The following ICA1 variants were observed in gnomAD, a reference collection of about 807,000 sequenced individuals.
The protein encoded by ICA1 is 69 kDa islet cell autoantigen.
A neutral mutation model predicts 71.0 loss-of-function variants in ICA1; 40 were observed. That is an observed-to-expected ratio of 0.56 (90% CI 0.44 to 0.73). ICA1 has a LOEUF of 0.73. Among genes scored for constraint, ICA1 ranks in the 30% least tolerant of loss-of-function variants. ICA1 has a pLI of 0.00. For missense variants in ICA1, 578 were observed against 576.5 expected (o/e 1.00, Z -0.03); for synonymous variants, 207 against 209.5 (o/e 0.99, Z 0.10).
At chr7:8,205,273 A>T (rs191274079) in intron 6 of ICA1, among the ~76,000 whole-genome samples, 1 of 152,274 alleles carries the variant, frequency 6.6e-6, no homozygotes, top group Non-Finnish European at 1.5e-5. Context: ...CACAGCCTGG[A>T]TGAGGAAGAT....
At position 8,182,701 on chromosome 7, in the gene ICA1, ACT is replaced by A. The variant is rs139190922; in HGVS notation, c.580-24051_580-24050del. Among the ~76,000 whole-genome samples the A allele has an allele frequency of 3.2e-3, 488 of 152,300 alleles. 4 individuals carry two copies. Among genetic ancestry groups the A allele is most frequent in the Middle Eastern group, 0.02 (6 of 294 alleles). On this transcript the variant is annotated intron_variant, in intron 6 of 13. Coordinates refer to ENST00000402384, the MANE Select transcript of ICA1 (RefSeq NM_001136020.3). The stretch of plus-strand genomic sequence containing the variant: ...TTTCAGAATGACCAGCAGATCTAAC[ACT>A]CAGGATTTATTCTATTTTTAAAAAC...
At position 8,157,273 on chromosome 7, in the gene ICA1, C is replaced by T. The variant is rs908173867; in HGVS notation, c.706-59G>A. On this transcript the variant is annotated intron_variant, in intron 7 of 13. Coordinates refer to ENST00000402384, the MANE Select transcript of ICA1 (RefSeq NM_001136020.3). ...TGAATGCCCAGTTCTAGTCCTGGTC[C>T]CCAGGGAAGTATGACTCTCTGTAGC... 105 of 1,448,618 alleles carry T rather than the reference C, an allele frequency of 7.2e-5. No homozygotes were observed. In the Middle Eastern group the frequency reaches 1.5e-3, roughly 21 times the overall value. The allele number at this position is 1,448,618 out of a possible 1,614,324, so 89.7% of individuals were successfully genotyped here. A position where few individuals can be genotyped will look rare whatever the true frequency, so the allele number is the denominator to read the frequency against.
chr7:8,115,162 A>G (rs1383227940), intron 13 of ICA1, among the ~76,000 whole-genome samples: 1 of 152,230 alleles, frequency 6.6e-6, no homozygotes, highest in Non-Finnish European at 1.5e-5. Context: ...TCTTTTGTAG[A>G]TATTAATGTA....
Position 8,122,652 on chromosome 7 carries a change from AGC to A in ICA1, c.1330+5219_1330+5220del, listed in dbSNP as rs369549999. 6.9e-3 allele frequency among the ~76,000 whole-genome samples: 1,048 copies of A among 152,374 alleles called. 12 individuals carry two copies. The highest frequency in any genetic ancestry group is 0.024 in the African/African-American group (996 of 41,592). On this transcript the variant is annotated intron_variant, in intron 13 of 13. Transcript: ENST00000402384. ...ATGTCCATTACCTGGAGCCAGGCTA[AGC>A]CAGGAATGGCAGGAGGTGAGCACTG...
chr7:8,197,749 G>A (rs539116725), intron 6 of ICA1, among the ~76,000 whole-genome samples: 80 of 151,952 alleles, frequency 5.3e-4, no homozygotes, highest in South Asian at 1.0e-3. Flanking sequence ...ACTACTAAAC[G>A]TTGGAAGCTG....
intron 6 of ICA1, among the ~76,000 whole-genome samples, chr7:8,174,022 G>A (rs1055869198): frequency 2.0e-5 from 3 of 152,088 alleles, no homozygotes; most frequent in Non-Finnish European, 4.4e-5. Context: ...TGTTTCATAT[G>A]GAATAGTCTT....
intron 8 of ICA1, among the ~76,000 whole-genome samples, chr7:8,154,663 G>C (rs1465217428): frequency 3.3e-5 from 5 of 152,150 alleles, no homozygotes; most frequent in Admixed American, 2.6e-4. Context: ...TATCAACACA[G>C]AGTGCCATTC....
chr7:8,141,567 G>T (rs1341076630), intron 10 of ICA1, among the ~76,000 whole-genome samples, 198 bp downstream of exon 10: 2 of 152,176 alleles, frequency 1.3e-5, no homozygotes, highest in Non-Finnish European at 2.9e-5. Context: ...ACAATACACA[G>T]CCTCTCTCAG....
chr7:8,225,591 A>G lies in ICA1; in HGVS notation c.256+3010T>C, dbSNP rs138735025. ...GTGCCAGATGTACTCACTGCTATGG[A>G]GCGTTAGTGCTTCTAGGTCATGTCA... On this transcript the variant is annotated intron_variant, in intron 4 of 13. Coordinates refer to ENST00000402384, the MANE Select transcript of ICA1 (RefSeq NM_001136020.3). Among the ~76,000 whole-genome samples, 1,400 of 152,304 alleles carry G rather than the reference A, an allele frequency of 9.2e-3. 16 individuals carry two copies. The highest frequency in any genetic ancestry group is 0.03 in the African/African-American group (1,256 of 41,568).
chr7:8,236,991 G>A (rs3779360), intron 1 of ICA1: 80,707 of 152,132 alleles, frequency 0.53, 22,415 homozygotes, highest in African/African-American at 0.68. Flanking sequence ...TACTCCTAAA[G>A]TGATTAAAGC....
At chr7:8,227,784 C>T (rs866115743) in intron 4 of ICA1, 2 of 423,288 alleles carry the variant, frequency 4.7e-6, no homozygotes, top group African/African-American at 2.1e-5. Flanking sequence ...GGGGGTCTCA[C>T]TTTGTTGCCC....
At chr7:8,122,729 C>A (rs1787495848) in intron 13 of ICA1, among the ~76,000 whole-genome samples, 1 of 152,206 alleles carries the variant, frequency 6.6e-6, no homozygotes, top group East Asian at 1.9e-4. Flanking sequence ...ATTATATTAG[C>A]CTTAAGTGGA....
intron 9 of ICA1, 77 bp from the exon 10 acceptor site, chr7:8,141,894 T>C (rs1795351214): frequency 7.4e-7 from 1 of 1,345,186 alleles, no homozygotes. Context: ...TTCAGTACAA[T>C]ATTACTTCAC....
chr7:8,131,063 G>A (rs944227823), intron 12 of ICA1, among the ~76,000 whole-genome samples: 4 of 152,302 alleles, frequency 2.6e-5, no homozygotes, highest in Non-Finnish European at 4.4e-5. Context: ...GTGGACACAT[G>A]CCGGACACCT....
At chr7:8,140,775 T>G (rs1294685621) in intron 10 of ICA1, among the ~76,000 whole-genome samples, 1 of 152,104 alleles carries the variant, frequency 6.6e-6, no homozygotes, top group East Asian at 1.9e-4. Flanking sequence ...AAAAAGTGAG[T>G]CTTTTGTTGT....
intron 8 of ICA1, among the ~76,000 whole-genome samples, chr7:8,151,621 C>A (rs1798840807): frequency 6.6e-6 from 1 of 152,268 alleles, no homozygotes; most frequent in African/African-American, 2.4e-5. Flanking sequence ...GGGATATTTA[C>A]CCAATTTTCA....
At chr7:8,157,539 A>T (rs966327301) in intron 7 of ICA1, 1 of 286,884 alleles carries the variant, frequency 3.5e-6, no homozygotes, top group African/African-American at 2.2e-5. Flanking sequence ...CCCTCAGCTG[A>T]TTCTATTTCT....
chr7:8,141,615 T>G, intron 10 of ICA1, 150 bp downstream of exon 10: 1 of 574,848 alleles, frequency 1.7e-6, no homozygotes, highest in Non-Finnish European at 3.2e-6. Flanking sequence ...ATCTGAACAT[T>G]TAGAACTGAG....
At chr7:8,156,383 A>T (rs983994637) in intron 8 of ICA1, among the ~76,000 whole-genome samples, 4 of 152,220 alleles carry the variant, frequency 2.6e-5, no homozygotes, top group African/African-American at 9.6e-5. Flanking sequence ...CTTCTTGCAA[A>T]GACATGACCT....
Sources: allele counts gnomAD v4.1 joint callset (sites outside exome capture counted in the v4.1 genomes callset), GRCh38; gene constraint gnomAD v4.1.1; transcripts MANE v1.5; gene names NCBI Gene and HGNC (gene_info 2026-07-23, HGNC 2026-07-21).